The following ANK3 variants were observed in gnomAD, a reference collection of about 807,000 sequenced individuals.
ANK3 encodes the protein ankyrin-3.
Under a neutral mutation model 370.9 loss-of-function variants are expected in ANK3, and 57 were observed. The ratio of observed to expected loss-of-function variants is 0.15; its 90% CI spans 0.12 to 0.19. The LOEUF (loss-of-function observed/expected upper bound fraction) is 0.19. ANK3 is among the 10% of genes least tolerant of loss of function. The pLI, the probability that ANK3 is intolerant of heterozygous loss-of-function variation, is 1.00. For missense variants in ANK3, 4,439 were observed against 5,302.1 expected (o/e 0.84, Z 5.06); for synonymous variants, 1,929 against 1,946.3 (o/e 0.99, Z 0.23).
Position 60,148,279 on chromosome 10 carries a change from T to C in ANK3, c.2615-9192A>G, listed in dbSNP as rs151097154. On this transcript the variant is annotated intron_variant, in intron 23 of 43. Coordinates refer to ENST00000280772, the MANE Select transcript of ANK3 (RefSeq NM_020987.5). Reference sequence around the variant, plus strand: ...GTTTGATTCTTTTTCTACCTCTTCATAGAAAAACCTGAATTCTCTTTCCTT... The same window carrying C: ...GTTTGATTCTTTTTCTACCTCTTCACAGAAAAACCTGAATTCTCTTTCCTT... 5.7e-3 allele frequency among the ~76,000 whole-genome samples: 863 copies of C among 152,228 alleles called. 5 individuals are homozygous for C. The highest frequency in any genetic ancestry group is 9.0e-3 in the Non-Finnish European group (609 of 68,014).
intron 38 of ANK3, among the ~76,000 whole-genome samples, chr10:60,065,725 TC>T (rs966213762): frequency 3.9e-5 from 6 of 152,154 alleles, no homozygotes; most frequent in Non-Finnish European, 8.8e-5. Context: ...AAATCAGATC[TC>T]CCCGGAACAG....
intron 7 of ANK3, among the ~76,000 whole-genome samples, chr10:60,242,403 A>T (rs2097479149): frequency 6.6e-6 from 1 of 152,208 alleles, no homozygotes. Flanking sequence ...TAACTCCAAA[A>T]ATAAAGATGA....
intron 18 of ANK3, among the ~76,000 whole-genome samples, chr10:60,180,956 G>C (rs2096159656): frequency 6.6e-6 from 1 of 152,118 alleles, no homozygotes; most frequent in Non-Finnish European, 1.5e-5. Flanking sequence ...AACGAACGTA[G>C]AGGTCACAAA....
intron 2 of ANK3, among the ~76,000 whole-genome samples, chr10:60,401,392 C>T (rs1423675509): frequency 6.6e-6 from 1 of 152,066 alleles, no homozygotes; most frequent in African/African-American, 2.4e-5. Context: ...GTTAAGTGTT[C>T]TTAACCACAA....
At chr10:60,204,651 C>T (rs10821702) in intron 11 of ANK3, among the ~76,000 whole-genome samples, 57,883 of 151,944 alleles carry the variant, frequency 0.38, 12,080 homozygotes, top group East Asian at 0.5. Flanking sequence ...AGGCATTCAA[C>T]AAAACTTTAC....
chr10:60,344,924 C>A (rs2132671545), intron 1 of ANK3, among the ~76,000 whole-genome samples: 1 of 152,148 alleles, frequency 6.6e-6, no homozygotes, highest in East Asian at 1.9e-4. Flanking sequence ...AAGTAGGCAT[C>A]ATTTTGGGAC....
At chr10:60,559,036 A>C (rs1470303990) in intron 2 of ANK3, among the ~76,000 whole-genome samples, 1 of 152,210 alleles carries the variant, frequency 6.6e-6, no homozygotes, top group Admixed American at 6.5e-5. Flanking sequence ...ATCAAATGTG[A>C]TAAGTAGCAC....
intron 4 of ANK3, among the ~76,000 whole-genome samples, chr10:60,276,135 C>T (rs2098087155): frequency 6.6e-6 from 1 of 151,992 alleles, no homozygotes; most frequent in African/African-American, 2.4e-5. Flanking sequence ...TTTATAGAGC[C>T]TTGGTTTATA....
intron 1 of ANK3, among the ~76,000 whole-genome samples, chr10:60,327,808 C>G (rs1185462176): frequency 6.6e-6 from 1 of 152,188 alleles, no homozygotes; most frequent in Non-Finnish European, 1.5e-5. Context: ...TCTCTAGGGC[C>G]ACTCATTGGA....
intron 2 of ANK3, among the ~76,000 whole-genome samples, chr10:60,517,096 G>A (rs1441824119): frequency 1.3e-5 from 2 of 151,828 alleles, no homozygotes; most frequent in Admixed American, 6.6e-5. Flanking sequence ...TGACAGTCTC[G>A]CTCTGTCACC....
At chr10:60,197,774 CA>C (rs200968653) in intron 14 of ANK3, among the ~76,000 whole-genome samples, 2 of 151,790 alleles carry the variant, frequency 1.3e-5, no homozygotes, top group East Asian at 1.9e-4. Context: ...TGTAGTATCA[CA>C]AAAAAAATGA....
rs1033453524 is a variant in ANK3, at chr10:60,629,011, G to T, written c.58-13787C>A. Reference sequence around the variant, plus strand: ...TTGAAAATAGTTTCTCTGCTTTTTTGTTGTTGTTGTTGTTGTTCTTTTGAA... The same window carrying T: ...TTGAAAATAGTTTCTCTGCTTTTTTTTTGTTGTTGTTGTTGTTCTTTTGAA... On this transcript the variant is annotated intron_variant, in intron 1 of 43. Transcript: ENST00000373827. 1.8e-4 allele frequency among the ~76,000 whole-genome samples: 28 copies of T among 151,764 alleles called. 1 individual carries two copies. The highest frequency in any genetic ancestry group is 3.4e-3 in the Middle Eastern group (1 of 294).
rs149971903 is a variant in ANK3, at chr10:60,265,918, C to G, written c.514-1898G>C. Among the ~76,000 whole-genome samples the G allele has an allele frequency of 1.1e-3, 171 of 152,276 alleles. 2 individuals are homozygous for G. In the East Asian group the frequency reaches 0.017, roughly 15 times the overall value. On this transcript the variant is annotated intron_variant, in intron 5 of 43. Coordinates refer to ENST00000280772, the MANE Select transcript of ANK3 (RefSeq NM_020987.5). Reference sequence around the variant, plus strand: ...TGATTATGCACGTACAGACTTCACTCTCCTCTGACACCTGTACTCATGCTA... The same window carrying G: ...TGATTATGCACGTACAGACTTCACTGTCCTCTGACACCTGTACTCATGCTA...
chr10:60,653,060 T>A (rs2078813215), intron 1 of ANK3, among the ~76,000 whole-genome samples: 1 of 152,190 alleles, frequency 6.6e-6, no homozygotes, highest in Non-Finnish European at 1.5e-5. Context: ...TAGGTACAAG[T>A]TTTTAGATAT....
At chr10:60,100,449 T>A (rs2091049902) in intron 28 of ANK3, among the ~76,000 whole-genome samples, 1 of 152,102 alleles carries the variant, frequency 6.6e-6, no homozygotes, top group South Asian at 2.1e-4. Context: ...AATTAAATTA[T>A]ATTGAAATGA....
In ANK3 at chr10:60,083,509, G is replaced by A. The variant is rs1564881537; in HGVS notation, c.4183C>T (p.Leu1395=). Residue 1395 remains leucine, a synonymous_variant, in exon 33 of 44, where the codon CTG becomes TTG. Transcript: ENST00000280772. ...TGATTTACCTTGATGGAAAATGGCA[G>A]TCTATTTTCTTTGAAAGAATAAAAG... The part of the protein sequence containing the change: ...FNFYSFKENR[L]PFSIKIRDTS... 1.2e-6 allele frequency: 2 copies of A among 1,611,026 alleles called. No individual in the cohort carries two copies. Among genetic ancestry groups the A allele is most frequent in the Middle Eastern group, 1.7e-4 (1 of 6,050 alleles).
At chr10:60,263,645 C>T (rs1009361347) in intron 6 of ANK3, among the ~76,000 whole-genome samples, 190 bp downstream of exon 6, 8 of 152,132 alleles carry the variant, frequency 5.3e-5, no homozygotes, top group African/African-American at 1.9e-4. Flanking sequence ...GCCGCATTCC[C>T]CTCACCCCCC....
chr10:60,519,355 C>T (rs1214217185), intron 2 of ANK3, among the ~76,000 whole-genome samples: 6 of 152,106 alleles, frequency 3.9e-5, no homozygotes, highest in Non-Finnish European at 5.9e-5. Context: ...AATCCATGTT[C>T]AGGCAAAATC....
At chr10:60,696,396 A>G (rs1260004199) in intron 1 of ANK3, among the ~76,000 whole-genome samples, 2 of 150,180 alleles carry the variant, frequency 1.3e-5, no homozygotes, top group Non-Finnish European at 3.0e-5. Context: ...TCCCTAACTC[A>G]TTTTATGAGG....
Sources: allele counts gnomAD v4.1 joint callset (sites outside exome capture counted in the v4.1 genomes callset), GRCh38; gene constraint gnomAD v4.1.1; transcripts MANE v1.5; gene names NCBI Gene and HGNC (gene_info 2026-07-23, HGNC 2026-07-21).